GRAMD4: variants seen among roughly 807,000 people sequenced by gnomAD.
GRAMD4 encodes the protein GRAM domain-containing protein 4.
Under a neutral mutation model 83.9 loss-of-function variants are expected in GRAMD4, and 25 were observed. The ratio of observed to expected loss-of-function variants is 0.30; its 90% CI spans 0.22 to 0.42. The LOEUF is 0.42. Ranked by LOEUF, GRAMD4 falls within the 10% of genes least tolerant of loss-of-function variation. The probability of loss-of-function intolerance (pLI) is 1.00; values close to 1 mark genes in which losing one functional copy is unlikely to be tolerated. For synonymous variants in GRAMD4, 336 were observed against 320.9 expected (o/e 1.05, Z -0.50); for missense variants, 593 against 788.7 (o/e 0.75, Z 2.97).
In GRAMD4 at chr22:46,637,963, G is replaced by A. The variant is rs2081915497; in HGVS notation, c.283+3G>A. 1.9e-6 allele frequency: 3 copies of A among 1,613,266 alleles called. No homozygotes were observed. In the African/African-American group the frequency reaches 4.0e-5, roughly 22 times the overall value. Reference sequence around the variant, plus strand: ...CTTATTGGAAAAACATTTCTTACGTGAGTACCAGAAAGCGCTTGGAGGGGA... The same window carrying A: ...CTTATTGGAAAAACATTTCTTACGTAAGTACCAGAAAGCGCTTGGAGGGGA... On this transcript the variant is annotated splice_donor_region_variant and intron_variant, in intron 3 of 18. Transcript: ENST00000406902.
chr22:46,589,782 C>T (rs1285126500), intron 1 of GRAMD4, among the ~76,000 whole-genome samples: 1 of 152,168 alleles, frequency 6.6e-6, no homozygotes, highest in African/African-American at 2.4e-5. Context: ...CTAGGTGACC[C>T]ACCTGCTTTG....
rs979841979 is a variant in GRAMD4 at position 46,679,552 on chromosome 22, T to A, written c.*2301T>A. ...GCAGATGTTTAATTTCTGTGACTAA[T>A]CACTGAACTAGACGAATGTTAAATT... On this transcript the variant is annotated 3_prime_UTR_variant, in exon 19 of 19. Coordinates refer to ENST00000406902, the MANE Select transcript of GRAMD4 (RefSeq NM_015124.5). 1.1e-5 allele frequency: 11 copies of A among 985,494 alleles called. No individual in the cohort carries two copies. The highest frequency in any genetic ancestry group is 1.2e-5 in the Non-Finnish European group (10 of 829,774). The allele number at this position is 985,494 out of a possible 1,614,324, so 61.0% of individuals were successfully genotyped here.
intron 3 of GRAMD4, among the ~76,000 whole-genome samples, chr22:46,653,909 G>T (rs2082203946): frequency 6.6e-6 from 1 of 152,160 alleles, no homozygotes. Context: ...GTTCCCACGT[G>T]ATAGAGTCAC....
chr22:46,635,639 CCG>C, intron 2 of GRAMD4, among the ~76,000 whole-genome samples: 1 of 120,078 alleles, frequency 8.3e-6, no homozygotes, highest in Admixed American at 9.2e-5. Context: ...TCCTGGGGGA[CCG>C]TGTCCTCCCT....
intron 5 of GRAMD4, among the ~76,000 whole-genome samples, chr22:46,661,963 G>C (rs1011224822): frequency 6.6e-6 from 1 of 152,206 alleles, no homozygotes; most frequent in Non-Finnish European, 1.5e-5. Context: ...ATAGTTCCCT[G>C]TACCTGGGGG....
At chr22:46,596,984 G>C (rs1385177800) in intron 1 of GRAMD4, among the ~76,000 whole-genome samples, 1 of 152,194 alleles carries the variant, frequency 6.6e-6, no homozygotes, top group Non-Finnish European at 1.5e-5. Flanking sequence ...GGTGGGATCG[G>C]GAGCCACCCT....
chr22:46,645,451 C>A (rs2147264114), intron 3 of GRAMD4, among the ~76,000 whole-genome samples: 1 of 152,292 alleles, frequency 6.6e-6, no homozygotes, highest in Non-Finnish European at 1.5e-5. Flanking sequence ...GGAGTCAGGA[C>A]CCAGTTCTAA....
At chr22:46,668,239 C>T (rs765264385) in intron 11 of GRAMD4, 72 bp downstream of exon 11, 45 of 1,079,308 alleles carry the variant, frequency 4.2e-5, no homozygotes, top group African/African-American at 7.8e-5. Context: ...GTGTCTACGC[C>T]GGCCAGGGGT....
chr22:46,638,874 G>A (rs994498176), intron 3 of GRAMD4, among the ~76,000 whole-genome samples: 1 of 152,192 alleles, frequency 6.6e-6, no homozygotes, highest in Non-Finnish European at 1.5e-5. Context: ...CCCAGCCAGG[G>A]TCTTTTCCAT....
intron 2 of GRAMD4, among the ~76,000 whole-genome samples, chr22:46,629,577 C>T (rs1382903275): frequency 2.0e-5 from 3 of 152,184 alleles, no homozygotes; most frequent in Non-Finnish European, 4.4e-5. Context: ...CACGGGCAGC[C>T]TCCCAGAAAC....
chr22:46,598,989 G>C (rs150085583), intron 1 of GRAMD4, among the ~76,000 whole-genome samples: 83 of 152,246 alleles, frequency 5.5e-4, no homozygotes, highest in African/African-American at 1.7e-3. Context: ...GTGGCCTCCG[G>C]TGCCCACCAG....
At chr22:46,587,205 G>A (rs982865640) in intron 1 of GRAMD4, among the ~76,000 whole-genome samples, 15 of 152,184 alleles carry the variant, frequency 9.9e-5, no homozygotes, top group East Asian at 1.9e-4. Context: ...TCTGTGGAGC[G>A]TGTGTGCCCG....
intron 1 of GRAMD4, among the ~76,000 whole-genome samples, chr22:46,582,884 C>T (rs2081111895): frequency 6.6e-6 from 1 of 152,230 alleles, no homozygotes; most frequent in African/African-American, 2.4e-5. Context: ...ACTTTAGGCA[C>T]TCCCTGGACC....
intron 1 of GRAMD4, among the ~76,000 whole-genome samples, chr22:46,590,209 C>T (rs916103579): frequency 2.6e-5 from 4 of 152,214 alleles, no homozygotes; most frequent in African/African-American, 9.6e-5. Flanking sequence ...GTGCCTCCTG[C>T]GTCCAGAGGG....
intron 10 of GRAMD4, among the ~76,000 whole-genome samples, chr22:46,667,315 G>C (rs1480109648): frequency 6.6e-6 from 1 of 152,202 alleles, no homozygotes; most frequent in East Asian, 1.9e-4. Context: ...ACTCCAGCCT[G>C]GGCAACAGAG....
At chr22:46,653,762 G>A (rs1209415399) in intron 3 of GRAMD4, among the ~76,000 whole-genome samples, 1 of 152,176 alleles carries the variant, frequency 6.6e-6, no homozygotes, top group East Asian at 1.9e-4. Flanking sequence ...ACCTTGACAG[G>A]GCCAAGATCA....
At chr22:46,610,489 G>A (rs575670502) in intron 1 of GRAMD4, among the ~76,000 whole-genome samples, 1 of 152,260 alleles carries the variant, frequency 6.6e-6, no homozygotes, top group Non-Finnish European at 1.5e-5. Context: ...TGTAGAGGCC[G>A]TGTGGCCTGC....
At chr22:46,654,442 G>A (rs925853916) in intron 3 of GRAMD4, among the ~76,000 whole-genome samples, 1 of 152,206 alleles carries the variant, frequency 6.6e-6, no homozygotes, top group Non-Finnish European at 1.5e-5. Context: ...GGCAGAGCCC[G>A]GCGTGTGATG....
At chr22:46,638,702 C>G (rs1309546853) in intron 3 of GRAMD4, among the ~76,000 whole-genome samples, 1 of 152,220 alleles carries the variant, frequency 6.6e-6, no homozygotes, top group Non-Finnish European at 1.5e-5. Context: ...TGCCAGCAAC[C>G]CTGCTGTGTG....
Sources: allele counts gnomAD v4.1 joint callset (sites outside exome capture counted in the v4.1 genomes callset), GRCh38; gene constraint gnomAD v4.1.1; transcripts MANE v1.5; gene names NCBI Gene and HGNC (gene_info 2026-07-23, HGNC 2026-07-21).